The following MIB1 variants were observed in gnomAD, a reference collection of about 807,000 sequenced individuals.
MIB1 encodes E3 ubiquitin-protein ligase MIB1.
Under a neutral mutation model 124.5 loss-of-function variants are expected in MIB1, and 278 were observed. The ratio of observed to expected loss-of-function variants is 2.23; its 90% CI spans 2.02 to 2.47. The LOEUF is 2.47. Ranked by LOEUF, MIB1 falls within the 30% of genes most tolerant of loss-of-function variation. MIB1 has a pLI of 0.00. For synonymous variants in MIB1, 446 were observed against 429.4 expected (o/e 1.04, Z -0.48); for missense variants, 957 against 1,254.4 (o/e 0.76, Z 3.58).
In MIB1 at chr18:21,846,941, C is replaced by A. The variant is rs372640067; in HGVS notation, c.2212-3C>A. 1.2e-6 allele frequency: 2 copies of A among 1,611,408 alleles called. No homozygotes were observed. Among genetic ancestry groups the A allele is most frequent in the Non-Finnish European group, 1.7e-6 (2 of 1,178,592 alleles). On this transcript the variant is annotated splice_region_variant and splice_polypyrimidine_tract_variant and intron_variant, in intron 15 of 20. Transcript: ENST00000261537. ...AAAATCATGACTCTTTATTTTATTGCAGTTAATAATGGGACTTGGTACCCA... is the reference window on the plus strand; with the variant it reads ...AAAATCATGACTCTTTATTTTATTGAAGTTAATAATGGGACTTGGTACCCA...
chr18:21,757,337 A>G (rs1297922091), intron 1 of MIB1, among the ~76,000 whole-genome samples: 3 of 147,894 alleles, frequency 2.0e-5, no homozygotes, highest in Admixed American at 6.8e-5. Flanking sequence ...CTGTTATCCC[A>G]GCTACTTGGG....
At chr18:21,795,205 G>C in intron 7 of MIB1, among the ~76,000 whole-genome samples, 1 of 148,442 alleles carries the variant, frequency 6.7e-6, no homozygotes, top group African/African-American at 2.5e-5. Context: ...TTAGGAAAGA[G>C]TAAGGACACA....
chr18:21,747,121 T>A (rs1247918564), intron 1 of MIB1, among the ~76,000 whole-genome samples: 1 of 152,220 alleles, frequency 6.6e-6, no homozygotes, highest in African/African-American at 2.4e-5. Flanking sequence ...ACAAAATGTT[T>A]TTTATTAATG....
At chr18:21,750,295 G>A (rs767006437) in intron 1 of MIB1, among the ~76,000 whole-genome samples, 1 of 152,072 alleles carries the variant, frequency 6.6e-6, no homozygotes, top group Non-Finnish European at 1.5e-5. Context: ...GGGATTACAG[G>A]CGGGTGCCAC....
chr18:21,807,415 G>A (rs2041720986), intron 10 of MIB1, among the ~76,000 whole-genome samples: 1 of 152,152 alleles, frequency 6.6e-6, no homozygotes, highest in Non-Finnish European at 1.5e-5. Context: ...CTGGGTGGCA[G>A]GAGTGAGACC....
intron 1 of MIB1, among the ~76,000 whole-genome samples, chr18:21,751,786 C>G (rs1287070538): frequency 6.6e-6 from 1 of 151,992 alleles, no homozygotes; most frequent in Non-Finnish European, 1.5e-5. Flanking sequence ...TCTCTCTCAC[C>G]CCTAAACCTG....
chr18:21,761,871 C>T (rs1417258277), intron 1 of MIB1, among the ~76,000 whole-genome samples: 1 of 152,044 alleles, frequency 6.6e-6, no homozygotes, highest in Non-Finnish European at 1.5e-5. Context: ...TTTCTAAGCA[C>T]GAAGCCTCAG....
intron 4 of MIB1, among the ~76,000 whole-genome samples, chr18:21,777,337 T>C (rs2041301333): frequency 6.6e-6 from 1 of 150,670 alleles, no homozygotes; most frequent in African/African-American, 2.4e-5. Flanking sequence ...TGAGAATCGC[T>C]TGAACCCAGG....
At chr18:21,811,828 G>A (rs1043300572) in intron 10 of MIB1, among the ~76,000 whole-genome samples, 3 of 152,052 alleles carry the variant, frequency 2.0e-5, no homozygotes, top group Non-Finnish European at 2.9e-5. Flanking sequence ...TGATATGAAT[G>A]TACTTAATAT....
intron 1 of MIB1, among the ~76,000 whole-genome samples, chr18:21,720,780 C>T (rs1374144291): frequency 1.3e-5 from 2 of 152,020 alleles, no homozygotes; most frequent in African/African-American, 4.8e-5. Context: ...GGGACCCCGT[C>T]TCTACAAAAA....
intron 12 of MIB1, among the ~76,000 whole-genome samples, chr18:21,829,710 T>C (rs1184793182): frequency 6.6e-6 from 1 of 152,088 alleles, no homozygotes; most frequent in Non-Finnish European, 1.5e-5. Context: ...TATTAGTTCC[T>C]TACCTGAAGT....
intron 14 of MIB1, 103 bp from the exon 15 acceptor site, chr18:21,843,989 A>G (rs2042113266): frequency 1.9e-6 from 2 of 1,033,708 alleles, no homozygotes; most frequent in Admixed American, 2.7e-5. Context: ...TTTAGTGGTA[A>G]CTTCTTCAGT....
chr18:21,863,094 A>G (rs1261015990), intron 20 of MIB1, among the ~76,000 whole-genome samples: 1 of 152,170 alleles, frequency 6.6e-6, no homozygotes, highest in Non-Finnish European at 1.5e-5. Flanking sequence ...TGCGCTGCTT[A>G]CTTGGCCACT....
At chr18:21,803,084 A>G (rs1050817418) in intron 9 of MIB1, among the ~76,000 whole-genome samples, 6 of 152,168 alleles carry the variant, frequency 3.9e-5, no homozygotes, top group Admixed American at 3.3e-4. Flanking sequence ...TTCTCTCTAA[A>G]GTCAGATAAT....
chr18:21,728,418 G>A (rs4800314), intron 1 of MIB1, among the ~76,000 whole-genome samples: 1,549 of 152,186 alleles, frequency 0.01, 90 homozygotes, highest in Admixed American at 0.094. Context: ...GCTTGAACCC[G>A]GGAGGTGGAG....
chr18:21,783,536 C>A (rs3017055), intron 6 of MIB1, among the ~76,000 whole-genome samples: 5,313 of 151,814 alleles, frequency 0.035, 336 homozygotes, highest in African/African-American at 0.12. Flanking sequence ...AGCCGCTGTG[C>A]CCGGCCTCAC....
Position 21,870,304 on chromosome 18 carries a change from C to G in MIB1, c.*5638C>G, listed in dbSNP as rs977399320. The G allele has an allele frequency of 6.6e-6, 1 of 152,124 alleles. No homozygotes were observed. The highest frequency in any genetic ancestry group is 2.4e-5 in the African/African-American group (1 of 41,418). The allele number at this position is 152,124 out of a possible 1,614,324, so 9.4% of individuals were successfully genotyped here. On this transcript the variant is annotated 3_prime_UTR_variant, in exon 21 of 21. Transcript: ENST00000261537. ...TATTGTTAAAAAGGAAATTACCATG[C>G]CTTTAAGAAACAAGGATGTACATCT... is the stretch of plus-strand genomic sequence containing the variant.
At chr18:21,766,073 G>A in intron 2 of MIB1, 130 bp downstream of exon 2, 1 of 825,414 alleles carries the variant, frequency 1.2e-6, no homozygotes, top group Non-Finnish European at 2.0e-6. Context: ...GTACCCAATA[G>A]TAGGATAGAA....
At position 21,778,107 on chromosome 18, in the gene MIB1, A is replaced by T; in HGVS notation, c.641A>T (p.Asp214Val). 1 of 1,611,242 alleles carries T rather than the reference A, an allele frequency of 6.2e-7. No homozygotes were observed. Among genetic ancestry groups the T allele is most frequent in the Non-Finnish European group, 8.5e-7 (1 of 1,177,782 alleles). The change falls in exon 5 of 21, where the codon GAT (aspartate) becomes GTT (valine). Residue 214 changes from aspartate to valine, a missense_variant. Physicochemically the swap from Asp to Val is radical, Grantham distance 152 (BLOSUM62 -3). Transcript: ENST00000261537. Reference protein sequence around the residue: ...LYRVGFEGMSDLKCVQDAKGG... With the variant: ...LYRVGFEGMSVLKCVQDAKGG... ...TCTGGTTTCTTTTCTTCTTAGTCTG[A>T]TCTGAAATGTGTCCAGGATGCCAAG...
Sources: gnomAD v4.1 joint callset for allele counts (sites outside exome capture counted in the v4.1 genomes callset) on GRCh38, gnomAD v4.1.1 for gene constraint, MANE v1.5 for transcripts, NCBI Gene and HGNC (gene_info 2026-07-23, HGNC 2026-07-21) for gene names.